Variants in SLC9A8 observed in about 807,000 individuals in gnomAD.
SLC9A8 encodes the protein solute carrier family 9 member A8.
Under a neutral mutation model 66.6 loss-of-function variants are expected in SLC9A8, and 48 were observed. The ratio of observed to expected loss-of-function variants is 0.72; its 90% CI spans 0.57 to 0.92. The LOEUF is 0.92. Among genes scored for constraint, SLC9A8 ranks in the 40% least tolerant of loss-of-function variants. The pLI is 0.00. For synonymous variants in SLC9A8, 274 were observed against 282.6 expected, an observed-to-expected ratio of 0.97 and a Z score of 0.31; for missense variants, 599 against 747.3, an observed-to-expected ratio of 0.80 and a Z score of 2.31.
intron 10 of SLC9A8, among the ~76,000 whole-genome samples, chr20:49,866,357 T>C (rs1026426446): frequency 1.1e-4 from 17 of 152,332 alleles, no homozygotes; most frequent in Non-Finnish European, 1.9e-4. Flanking sequence ...GTGCATGTGT[T>C]TTCATTTATC....
At position 49,832,303 on chromosome 20, in the gene SLC9A8, C is replaced by T. The variant is rs115470887; in HGVS notation, c.290-7238C>T. ...TCACTCCAGCCAGCATCATGGTCTT[C>T]GGTGCTTCCAGGCCTGGGGTCTGTC... On this transcript the variant is annotated intron_variant, in intron 3 of 15. Coordinates refer to ENST00000361573, the MANE Select transcript of SLC9A8 (RefSeq NM_015266.3). Among the ~76,000 whole-genome samples, 1,103 of 152,284 alleles carry T rather than the reference C, an allele frequency of 7.2e-3. 9 individuals carry two copies. Among genetic ancestry groups the T allele is most frequent in the African/African-American group, 0.021 (893 of 41,552 alleles).
chr20:49,871,308 C>T (rs1361216636), intron 10 of SLC9A8, among the ~76,000 whole-genome samples: 1 of 152,166 alleles, frequency 6.6e-6, no homozygotes, highest in Admixed American at 6.5e-5. Context: ...ACTTGAATCC[C>T]ATACTGTCTT....
chr20:49,868,196 G>C (rs1403924632), intron 10 of SLC9A8, among the ~76,000 whole-genome samples: 4 of 152,230 alleles, frequency 2.6e-5, no homozygotes. Context: ...TTTGGAATCT[G>C]TGATTAAAAT....
chr20:49,859,810 T>TA (rs1477043086), intron 8 of SLC9A8, among the ~76,000 whole-genome samples: 3 of 152,216 alleles, frequency 2.0e-5, no homozygotes. Flanking sequence ...AGCTACAGCT[T>TA]AAGCTCATGA....
rs758093925 is a variant in SLC9A8, at chr20:49,891,934, A to G, written c.*3998A>G. 1 of 152,232 alleles carries G rather than the reference A, an allele frequency of 6.6e-6. No homozygotes were observed. Among genetic ancestry groups the G allele is most frequent in the Non-Finnish European group, 1.5e-5 (1 of 68,034 alleles). The allele number at this position is 152,232 out of a possible 1,614,324, so 9.4% of individuals were successfully genotyped here. On this transcript the variant is annotated 3_prime_UTR_variant, in exon 16 of 16. Coordinates refer to ENST00000361573, the MANE Select transcript of SLC9A8 (RefSeq NM_015266.3). ...CATTCCTTTTCATCATTTCCTTTGTAAAAATGACGAGTGCTGGGTTTTTGT... is the reference window on the plus strand; with the variant it reads ...CATTCCTTTTCATCATTTCCTTTGTGAAAATGACGAGTGCTGGGTTTTTGT...
chr20:49,829,164 G>C (rs1475819245), intron 3 of SLC9A8: 1 of 152,038 alleles, frequency 6.6e-6, no homozygotes, highest in Non-Finnish European at 1.5e-5. Context: ...CTTGATGTGG[G>C]GGAAACTCGG....
At position 49,887,972 on chromosome 20, in the gene SLC9A8, G is replaced by T; in HGVS notation, c.*36G>T. 6.5e-7 allele frequency: 1 copy of T among 1,538,046 alleles called. No homozygotes were observed. The highest frequency in any genetic ancestry group is 9.0e-7 in the Non-Finnish European group (1 of 1,111,826). ...CAAGGCTTCAGGCAGGCAGGCCCAG[G>T]ATGGGCGTTTGCTGCGCACAGACAC... On this transcript the variant is annotated 3_prime_UTR_variant, in exon 16 of 16. Coordinates refer to ENST00000361573, the MANE Select transcript of SLC9A8 (RefSeq NM_015266.3).
chr20:49,823,180 C>T, intron 3 of SLC9A8, 39 bp downstream of exon 3: 1 of 1,475,566 alleles, frequency 6.8e-7, no homozygotes, highest in Non-Finnish European at 9.5e-7. Flanking sequence ...AAAGCAGTAA[C>T]AATAACTACC....
At chr20:49,878,167 A>G in intron 12 of SLC9A8, 104 bp downstream of exon 12, 1 of 611,212 alleles carries the variant, frequency 1.6e-6, no homozygotes. Flanking sequence ...CAAAGTCAAC[A>G]GCTACATAGA....
At chr20:49,815,606 G>T (rs1443314012) in intron 2 of SLC9A8, among the ~76,000 whole-genome samples, 1 of 152,090 alleles carries the variant, frequency 6.6e-6, no homozygotes, top group African/African-American at 2.4e-5. Context: ...TTAGCTAGGC[G>T]TAGTGGTGTA....
chr20:49,827,801 A>G (rs1024414099), intron 3 of SLC9A8, among the ~76,000 whole-genome samples: 9 of 152,044 alleles, frequency 5.9e-5, no homozygotes, highest in African/African-American at 2.2e-4. Flanking sequence ...TAGCCTTAAT[A>G]CTGCTGATGA....
intron 4 of SLC9A8, 34 bp downstream of exon 4, chr20:49,839,633 T>A (rs1334515271): frequency 2.8e-6 from 4 of 1,418,576 alleles, no homozygotes; most frequent in Middle Eastern, 3.6e-4. Flanking sequence ...TTAATTTTAG[T>A]AACATTGATC....
intron 6 of SLC9A8, among the ~76,000 whole-genome samples, chr20:49,850,082 GAT>G (rs1259182273): frequency 1.3e-5 from 2 of 152,198 alleles, no homozygotes; most frequent in Admixed American, 6.5e-5. Context: ...AAAAATCAAA[GAT>G]GTGCTTTTCT....
intron 12 of SLC9A8, 103 bp downstream of exon 12, chr20:49,878,166 C>A: frequency 1.6e-6 from 1 of 618,534 alleles, no homozygotes; most frequent in Non-Finnish European, 2.6e-6. Flanking sequence ...TCAAAGTCAA[C>A]AGCTACATAG....
Position 49,886,023 on chromosome 20 carries a change from C to A in SLC9A8, c.1492-729C>A, listed in dbSNP as rs2089878007. On this transcript the variant is annotated intron_variant, in intron 14 of 15. Transcript: ENST00000361573. This position sits in a 1 kb window ranked among gnomAD's most constrained non-coding sequence, Gnocchi z 4.8. The stretch of plus-strand genomic sequence containing the variant: ...CCCCCCAGGTAGATTCTAATACAGA[C>A]CAGTGTTTGACAACCACTGCTTCAC... 6.6e-6 allele frequency among the ~76,000 whole-genome samples: 1 copy of A among 152,194 alleles called. No individual in the cohort carries two copies. The highest frequency in any genetic ancestry group is 1.5e-5 in the Non-Finnish European group (1 of 68,038).
intron 9 of SLC9A8, chr20:49,863,838 G>A (rs2088847607): frequency 6.6e-6 from 1 of 152,236 alleles, no homozygotes; most frequent in Admixed American, 6.5e-5. Context: ...TCAGGGAGAT[G>A]GCCACCTGGC....
chr20:49,892,157 C>G lies in SLC9A8; in HGVS notation c.*4221C>G, dbSNP rs530866572. ...GGAGCCCCTGCGTCATCTCGTTGGA[C>G]TCTTTAAGGGAGTCAGGAATAGATG... On this transcript the variant is annotated 3_prime_UTR_variant, in exon 16 of 16. Coordinates refer to ENST00000361573, the MANE Select transcript of SLC9A8 (RefSeq NM_015266.3). 8 of 152,308 alleles carry G rather than the reference C, an allele frequency of 5.3e-5. No individual in the cohort carries two copies. In the East Asian group the frequency reaches 1.5e-3, roughly 29 times the overall value. 9.4% of individuals were successfully genotyped at this position (152,308 alleles called of 1,614,324 possible).
chr20:49,816,680 A>G (rs1197072032), intron 2 of SLC9A8, among the ~76,000 whole-genome samples: 1 of 152,112 alleles, frequency 6.6e-6, no homozygotes, highest in Non-Finnish European at 1.5e-5. Flanking sequence ...CTACACAACC[A>G]CTTTTGATTA....
chr20:49,862,836 ATGAG>A (rs2146673205), intron 8 of SLC9A8, 89 bp from the exon 9 acceptor site: 1 of 759,128 alleles, frequency 1.3e-6, no homozygotes, highest in African/African-American at 2.1e-5. Context: ...GAATGAATGA[ATGAG>A]CGAATAAGCA....
Sources: gnomAD v4.1 joint callset for allele counts (sites outside exome capture counted in the v4.1 genomes callset) on GRCh38, gnomAD v4.1.1 for gene constraint, Gnocchi (gnomAD v3.1) non-coding constraint, MANE v1.5 for transcripts, NCBI Gene and HGNC (gene_info 2026-07-23, HGNC 2026-07-21) for gene names.